EFNA5: variants seen among roughly 807,000 people sequenced by gnomAD.
The protein encoded by EFNA5 is ephrin A5.
EFNA5 carries 5 observed loss-of-function variants against 22.9 expected under a neutral mutation model. The observed-to-expected ratio is 0.22, with a 90% CI of 0.11 to 0.46. The LOEUF (loss-of-function observed/expected upper bound fraction) is 0.46, where lower values mean the gene tolerates loss of function less well. Among genes scored for constraint, EFNA5 ranks in the 20% least tolerant of loss-of-function variants. The pLI is 0.99. For missense variants in EFNA5, 237 were observed against 293.3 expected, an observed-to-expected ratio of 0.81 and a Z score of 1.40; for synonymous variants, 113 against 112.2, an observed-to-expected ratio of 1.01 and a Z score of -0.04.
intron 1 of EFNA5, among the ~76,000 whole-genome samples, chr5:107,550,568 C>T (rs374871878): frequency 5.1e-4 from 77 of 152,190 alleles, no homozygotes; most frequent in African/African-American, 1.6e-3. Context: ...CTAAATGATA[C>T]GATATATGTA....
At chr5:107,512,245 T>G (rs1747386505) in intron 1 of EFNA5, among the ~76,000 whole-genome samples, 1 of 152,124 alleles carries the variant, frequency 6.6e-6, no homozygotes, top group Non-Finnish European at 1.5e-5. Context: ...TGGCTGTCAA[T>G]CAATCCTGGC....
intron 1 of EFNA5, among the ~76,000 whole-genome samples, chr5:107,598,810 T>A (rs908516565): frequency 6.6e-6 from 1 of 152,206 alleles, no homozygotes; most frequent in Non-Finnish European, 1.5e-5. Flanking sequence ...ATGATCTAAA[T>A]GAAATTTTAA....
chr5:107,502,798 G>A (rs1019362767), intron 1 of EFNA5, among the ~76,000 whole-genome samples: 1 of 152,104 alleles, frequency 6.6e-6, no homozygotes, highest in Non-Finnish European at 1.5e-5. Context: ...TCAATACAGA[G>A]AGCTGGCAGA....
At chr5:107,482,802 C>G (rs1170051954) in intron 1 of EFNA5, among the ~76,000 whole-genome samples, 1 of 97,070 alleles carries the variant, frequency 1.0e-5, no homozygotes, top group Non-Finnish European at 1.9e-5. Context: ...GCTGCTCTCT[C>G]TCTCTCTCTC....
At chr5:107,406,116 T>A (rs1422636300) in intron 2 of EFNA5, among the ~76,000 whole-genome samples, 1 of 142,354 alleles carries the variant, frequency 7.0e-6, no homozygotes, top group African/African-American at 2.5e-5. Flanking sequence ...TTCTATGTAT[T>A]TATATACATA....
intron 1 of EFNA5, among the ~76,000 whole-genome samples, chr5:107,450,125 T>C (rs915039070): frequency 5.9e-5 from 9 of 152,312 alleles, no homozygotes; most frequent in Middle Eastern, 6.8e-3. Context: ...AATATTTATA[T>C]GCCTCGACTT....
At chr5:107,579,897 G>C (rs1749007369) in intron 1 of EFNA5, among the ~76,000 whole-genome samples, 1 of 152,154 alleles carries the variant, frequency 6.6e-6, no homozygotes, top group Non-Finnish European at 1.5e-5. Flanking sequence ...ATATAACAAA[G>C]AGACAGATGT....
At position 107,554,900 on chromosome 5, in the gene EFNA5, T is replaced by C. The variant is rs375483245; in HGVS notation, c.125+115589A>G. On this transcript the variant is annotated intron_variant, in intron 1 of 4. Transcript: ENST00000333274. Reference sequence around the variant, plus strand: ...CTTTGGAGGGACATTTACTACTACGTTCTGCAACAGCAGCTTCTGCCAGCT... The same window carrying C: ...CTTTGGAGGGACATTTACTACTACGCTCTGCAACAGCAGCTTCTGCCAGCT... Among the ~76,000 whole-genome samples the C allele has an allele frequency of 9.2e-5, 14 of 152,304 alleles. No homozygotes were observed. The East Asian group carries it at 1.5e-3, about 17-fold the overall frequency.
chr5:107,420,109 GA>G (rs1346346696), intron 2 of EFNA5, among the ~76,000 whole-genome samples: 1 of 152,128 alleles, frequency 6.6e-6, no homozygotes, highest in Non-Finnish European at 1.5e-5. Context: ...GTAAGGCACT[GA>G]AAAATCAGAC....
chr5:107,588,335 T>A (rs1749239207), intron 1 of EFNA5, among the ~76,000 whole-genome samples: 1 of 152,146 alleles, frequency 6.6e-6, no homozygotes, highest in Non-Finnish European at 1.5e-5. Context: ...CCCAATTGTA[T>A]CCTTCCGTCC....
chr5:107,417,744 A>T (rs1227888512), intron 2 of EFNA5, among the ~76,000 whole-genome samples: 1 of 152,176 alleles, frequency 6.6e-6, no homozygotes, highest in Non-Finnish European at 1.5e-5. Context: ...CAAAGCACTG[A>T]CACAAATTTC....
intron 1 of EFNA5, among the ~76,000 whole-genome samples, chr5:107,489,687 T>C (rs1409019174): frequency 6.8e-6 from 1 of 146,980 alleles, no homozygotes; most frequent in East Asian, 2.0e-4. Context: ...CTAACACTAA[T>C]GTTTCATTCC....
At chr5:107,381,478 G>A (rs1561361891) in intron 4 of EFNA5, 102 bp from the exon 5 acceptor site, 2 of 1,349,178 alleles carry the variant, frequency 1.5e-6, no homozygotes, top group East Asian at 4.9e-5. Flanking sequence ...CTGCAAAGTA[G>A]GGTAATGAAC....
At chr5:107,442,288 T>C (rs1485331183) in intron 1 of EFNA5, among the ~76,000 whole-genome samples, 1 of 152,230 alleles carries the variant, frequency 6.6e-6, no homozygotes, top group Admixed American at 6.5e-5. Context: ...GCCATCATCT[T>C]ATCCAGCTGT....
intron 1 of EFNA5, among the ~76,000 whole-genome samples, chr5:107,542,155 G>C (rs1416255143): frequency 6.6e-6 from 1 of 151,982 alleles, no homozygotes; most frequent in Non-Finnish European, 1.5e-5. Flanking sequence ...ACTTTCAGGG[G>C]GAAAATAATA....
chr5:107,643,954 G>T (rs1033677661), intron 1 of EFNA5, among the ~76,000 whole-genome samples: 2 of 151,884 alleles, frequency 1.3e-5, no homozygotes, highest in Non-Finnish European at 2.9e-5. Flanking sequence ...AAGACTTTTC[G>T]GATGAATTAC....
chr5:107,612,511 T>A (rs533717726), intron 1 of EFNA5, among the ~76,000 whole-genome samples: 39 of 146,812 alleles, frequency 2.7e-4, no homozygotes, highest in Middle Eastern at 7.0e-3. Flanking sequence ...AAATGCAATT[T>A]AAAAAAAAAA....
chr5:107,476,056 A>ATATATATATATATATATATATATATTTTT (rs1454967869), intron 1 of EFNA5, among the ~76,000 whole-genome samples: 1 of 115,404 alleles, frequency 8.7e-6, no homozygotes, highest in African/African-American at 3.5e-5. Context: ...CTATATATAT[A>ATATATATATATATATATATATATATTTTT]TTTTTTTTTT....
chr5:107,524,949 G>A (rs912431308), intron 1 of EFNA5, among the ~76,000 whole-genome samples: 1 of 152,152 alleles, frequency 6.6e-6, no homozygotes, highest in East Asian at 1.9e-4. Flanking sequence ...AACTCATACT[G>A]TTAATGCAGA....
Sources: gnomAD v4.1 joint callset for allele counts (sites outside exome capture counted in the v4.1 genomes callset) on GRCh38, gnomAD v4.1.1 for gene constraint, MANE v1.5 for transcripts, NCBI Gene and HGNC (gene_info 2026-07-23, HGNC 2026-07-21) for gene names.